Variants in CNTN1 observed in about 807,000 individuals in gnomAD.
CNTN1 encodes contactin 1.
A neutral mutation model predicts 126.4 loss-of-function variants in CNTN1; 38 were observed. The observed-to-expected ratio is 0.30, with a 90% CI of 0.23 to 0.39. The LOEUF (loss-of-function observed/expected upper bound fraction) is 0.39, where lower values mean the gene tolerates loss of function less well. Among genes scored for constraint, CNTN1 ranks in the 10% least tolerant of loss-of-function variants. The pLI is 1.00. For missense variants in CNTN1, 1,009 were observed against 1,248.4 expected (o/e 0.81, Z 2.89); for synonymous variants, 413 against 422.6 (o/e 0.98, Z 0.28).
At chr12:41,047,455 C>T (rs1003604749) in intron 23 of CNTN1, among the ~76,000 whole-genome samples, 7 of 152,076 alleles carry the variant, frequency 4.6e-5, no homozygotes, top group Non-Finnish European at 1.0e-4. Context: ...GTGGTTCTCT[C>T]TCATACCCCT....
chr12:41,001,133 T>A (rs1948350700), intron 17 of CNTN1, among the ~76,000 whole-genome samples: 1 of 152,216 alleles, frequency 6.6e-6, no homozygotes, highest in Non-Finnish European at 1.5e-5. Flanking sequence ...TTGTATTCTT[T>A]TGGGTATATA....
intron 1 of CNTN1, among the ~76,000 whole-genome samples, chr12:40,903,678 G>T (rs1333583806): frequency 2.0e-5 from 3 of 152,098 alleles, no homozygotes; most frequent in African/African-American, 7.2e-5. Context: ...TTTTATACCC[G>T]AATGGCAAGA....
At chr12:41,068,826 T>C (rs142969220) in intron 23 of CNTN1, among the ~76,000 whole-genome samples, 29 of 152,242 alleles carry the variant, frequency 1.9e-4, no homozygotes, top group African/African-American at 7.0e-4. Context: ...TAGCAGCATG[T>C]TCATTGAAGA....
chr12:40,901,765 GTATTCTCCTT>G (rs1295758018), intron 1 of CNTN1, among the ~76,000 whole-genome samples: 1 of 152,102 alleles, frequency 6.6e-6, no homozygotes, highest in Admixed American at 6.5e-5. Flanking sequence ...AGAAAAGGGG[GTATTCTCCTT>G]GTGTGTGTAC....
intron 1 of CNTN1, among the ~76,000 whole-genome samples, chr12:40,777,260 A>G (rs1401077923): frequency 1.3e-5 from 2 of 150,496 alleles, no homozygotes; most frequent in Non-Finnish European, 1.5e-5. Context: ...TTAATTCTCT[A>G]TATCCAATCA....
intron 16 of CNTN1, among the ~76,000 whole-genome samples, chr12:40,990,433 C>A (rs1391422233): frequency 6.6e-6 from 1 of 152,118 alleles, no homozygotes; most frequent in Non-Finnish European, 1.5e-5. Flanking sequence ...TGCTTGAGGT[C>A]ATGACTCTGA....
intron 1 of CNTN1, among the ~76,000 whole-genome samples, chr12:40,859,022 G>T (rs1284792992): frequency 2.0e-5 from 3 of 152,010 alleles, no homozygotes; most frequent in African/African-American, 7.2e-5. Flanking sequence ...AATAGCTAAT[G>T]CATTCTGGGC....
chr12:41,048,473 C>G (rs1371487928), intron 23 of CNTN1, among the ~76,000 whole-genome samples: 1 of 152,164 alleles, frequency 6.6e-6, no homozygotes, highest in Admixed American at 6.6e-5. Context: ...TTCTAAGATC[C>G]TGGCTGAATG....
At chr12:41,036,086 CTCTT>C (rs1045862031) in intron 23 of CNTN1, among the ~76,000 whole-genome samples, 3 of 152,096 alleles carry the variant, frequency 2.0e-5, no homozygotes, top group Admixed American at 6.6e-5. Flanking sequence ...ACAAGGCACT[CTCTT>C]TCAGAAATAA....
At chr12:40,981,219 TGAA>T in intron 16 of CNTN1, 152 bp downstream of exon 16, 1 of 695,954 alleles carries the variant, frequency 1.4e-6, no homozygotes, top group Non-Finnish European at 2.4e-6. Context: ...ATTTTGGTAA[TGAA>T]GAAAATTACA....
intron 23 of CNTN1, among the ~76,000 whole-genome samples, chr12:41,068,471 T>G (rs959481960): frequency 3.9e-5 from 6 of 152,134 alleles, no homozygotes; most frequent in Admixed American, 6.6e-5. Flanking sequence ...TAAGAACTAC[T>G]TTATCTGTAT....
At chr12:40,772,773 A>G (rs1358709421) in intron 1 of CNTN1, among the ~76,000 whole-genome samples, 2 of 151,912 alleles carry the variant, frequency 1.3e-5, no homozygotes, top group African/African-American at 4.8e-5. Context: ...CTGGAAAAGG[A>G]GGCTAATTAA....
At chr12:40,737,236 A>G (rs1937723668) in intron 1 of CNTN1, among the ~76,000 whole-genome samples, 1 of 151,000 alleles carries the variant, frequency 6.6e-6, no homozygotes, top group Non-Finnish European at 1.5e-5. Context: ...AAATATTTAC[A>G]CTTGTATTAG....
At chr12:40,965,502 T>C (rs1947274296) in intron 15 of CNTN1, among the ~76,000 whole-genome samples, 2 of 152,240 alleles carry the variant, frequency 1.3e-5, no homozygotes, top group Non-Finnish European at 2.9e-5. Context: ...TTTCAGTTTC[T>C]GCTCTTTTCT....
At chr12:40,814,262 G>A (rs188033290) in intron 1 of CNTN1, among the ~76,000 whole-genome samples, 3,456 of 152,256 alleles carry the variant, frequency 0.023, 123 homozygotes, top group African/African-American at 0.077. Context: ...TTGTCATAAA[G>A]TCTTTGCCCA....
chr12:40,999,201 G>T (rs1278970712), intron 17 of CNTN1, among the ~76,000 whole-genome samples: 1 of 152,056 alleles, frequency 6.6e-6, no homozygotes, highest in Non-Finnish European at 1.5e-5. Context: ...ACTCTTATAA[G>T]CATCATAAGG....
chr12:40,980,056 G>T (rs535315821), intron 15 of CNTN1, among the ~76,000 whole-genome samples: 10 of 152,152 alleles, frequency 6.6e-5, no homozygotes, highest in Admixed American at 4.6e-4. Context: ...AACATGAAAT[G>T]TATTATGCAA....
intron 1 of CNTN1, among the ~76,000 whole-genome samples, chr12:40,705,916 G>T (rs1234864200): frequency 6.6e-6 from 1 of 151,578 alleles, no homozygotes; most frequent in Non-Finnish European, 1.5e-5. Flanking sequence ...CAACCAGATC[G>T]GTCAAAAGAA....
intron 1 of CNTN1, chr12:40,828,421 C>T (rs1465426867): frequency 6.6e-6 from 1 of 152,122 alleles, no homozygotes; most frequent in Non-Finnish European, 1.5e-5. Flanking sequence ...ATGCCAGCAT[C>T]AGGACTCTCA....
Sources: allele counts gnomAD v4.1 joint callset (sites outside exome capture counted in the v4.1 genomes callset), GRCh38; gene constraint gnomAD v4.1.1; transcripts MANE v1.5; gene names NCBI Gene and HGNC (gene_info 2026-07-23, HGNC 2026-07-21).